CATSPERE: variants seen among roughly 807,000 people sequenced by gnomAD.
CATSPERE encodes cation channel sperm-associated auxiliary subunit epsilon.
CATSPERE carries 93 observed loss-of-function variants against 114.1 expected under a neutral mutation model. The ratio of observed to expected loss-of-function variants is 0.81; its 90% confidence interval spans 0.69 to 0.97. CATSPERE has a LOEUF of 0.97. Ranked by LOEUF, CATSPERE falls within the 50% of genes least tolerant of loss-of-function variation. The pLI, the probability that CATSPERE is intolerant of heterozygous loss-of-function variation, is 0.00. For missense variants in CATSPERE, 1,058 were observed against 1,131.6 expected (o/e 0.93, Z 0.93); for synonymous variants, 341 against 384.1 (o/e 0.89, Z 1.31).
At position 244,601,827 on chromosome 1, in the gene CATSPERE, G is replaced by A. The variant is rs968586306; in HGVS notation, c.2304-3868G>A. Reference sequence around the variant, plus strand: ...AATTAGCCGGGCGTGGGTGGTGGGCGCCTGTAATCCCAGCTACTTGGGAGC... The same window carrying A: ...AATTAGCCGGGCGTGGGTGGTGGGCACCTGTAATCCCAGCTACTTGGGAGC... On this transcript the variant is annotated intron_variant, in intron 17 of 21. Transcript: ENST00000366534. Among the ~76,000 whole-genome samples, 3 of 152,064 alleles carry A rather than the reference G, an allele frequency of 2.0e-5. 1 individual carries two copies. The highest frequency in any genetic ancestry group is 1.3e-4 in the Admixed American group (2 of 15,252).
At chr1:244,543,766 A>G (rs1223303253) in intron 8 of CATSPERE, among the ~76,000 whole-genome samples, 1 of 151,744 alleles carries the variant, frequency 6.6e-6, no homozygotes, top group Admixed American at 6.6e-5. Flanking sequence ...TCCTCTTGAC[A>G]AGATAAGAGA....
Position 244,558,429 on chromosome 1 carries a change from T to G in CATSPERE, c.1030-2239T>G, listed in dbSNP as rs1322940401. 2.0e-5 allele frequency among the ~76,000 whole-genome samples: 3 copies of G among 152,196 alleles called. No individual in the cohort carries two copies. In the South Asian group the frequency reaches 6.2e-4, roughly 31 times the overall value. On this transcript the variant is annotated intron_variant, in intron 9 of 21. Coordinates refer to ENST00000366534, the MANE Select transcript of CATSPERE (RefSeq NM_001130957.2). ...TGTTTTATTTCTAGCATTTCCATTT[T>G]GTTCCTTTTTTATCATTTCTATATC...
Position 244,479,747 on chromosome 1 carries a change from A to C in CATSPERE, c.289A>C (p.Ser97Arg), listed in dbSNP as rs544044563. ...AGAAGAACGCTATTTATTTGTGGAA[A>C]GTTCTCATACTTGCTTTCTGTGGTA... is the stretch of plus-strand genomic sequence containing the variant. ...DEEERYLFVESSHTCFLWYYR... is the reference protein window; with the variant it reads ...DEEERYLFVERSHTCFLWYYR... The change falls in exon 5 of 22, where the codon AGT becomes CGT. Residue 97 changes from serine (S) to arginine (R), a missense_variant. Physicochemically the swap from Ser to Arg is moderately radical, Grantham distance 110. Transcript: ENST00000366534. 6.2e-7 allele frequency: 1 copy of C among 1,600,308 alleles called. No homozygotes were observed. The highest frequency in any genetic ancestry group is 1.3e-5 in the African/African-American group (1 of 74,550).
At chr1:244,452,646 G>A (rs1325373843), upstream of CATSPERE, among the ~76,000 whole-genome samples, 1 of 152,166 alleles carries the variant, frequency 6.6e-6, no homozygotes, top group South Asian at 2.1e-4. Flanking sequence ...TGCAGATACC[G>A]TCATGCACTT....
intron 7 of CATSPERE, among the ~76,000 whole-genome samples, chr1:244,502,465 A>G (rs3006032): frequency 0.019 from 2,893 of 152,226 alleles, 120 homozygotes; most frequent in African/African-American, 0.067. Context: ...GAGACACAAT[A>G]TATTCTTAGA....
chr1:244,531,220 A>G (rs1039871641), intron 8 of CATSPERE, among the ~76,000 whole-genome samples: 24 of 138,638 alleles, frequency 1.7e-4, no homozygotes, highest in African/African-American at 6.5e-4. Flanking sequence ...TGGGCAACAG[A>G]GGGAGACTCA....
chr1:244,464,854 C>T (rs1041035460), intron 2 of CATSPERE, among the ~76,000 whole-genome samples: 11 of 151,658 alleles, frequency 7.3e-5, no homozygotes, highest in Admixed American at 3.9e-4. Flanking sequence ...TTTTCTTACT[C>T]GTTAACACAG....
intron 5 of CATSPERE, among the ~76,000 whole-genome samples, chr1:244,483,940 T>C (rs972564529): frequency 6.6e-6 from 1 of 152,178 alleles, no homozygotes; most frequent in Non-Finnish European, 1.5e-5. Context: ...TATGTTTTTT[T>C]CTTCTAAAAT....
chr1:244,492,337 CA>C (rs1289604314), intron 6 of CATSPERE, among the ~76,000 whole-genome samples: 2 of 151,948 alleles, frequency 1.3e-5, no homozygotes, highest in African/African-American at 4.8e-5. Flanking sequence ...GAAGCAAAGA[CA>C]AAAACCACAT....
chr1:244,543,085 C>T (rs1426651188), intron 8 of CATSPERE, among the ~76,000 whole-genome samples: 1 of 152,052 alleles, frequency 6.6e-6, no homozygotes, highest in Non-Finnish European at 1.5e-5. Context: ...AATAGAATTA[C>T]CAGCAATCCA....
intron 5 of CATSPERE, among the ~76,000 whole-genome samples, chr1:244,488,352 A>G (rs1671412482): frequency 1.3e-5 from 2 of 152,082 alleles, no homozygotes; most frequent in Admixed American, 1.3e-4. Context: ...ACTATGTTCT[A>G]TTTCCATAAT....
chr1:244,488,256 A>T (rs1417535387), intron 5 of CATSPERE, among the ~76,000 whole-genome samples: 1 of 152,184 alleles, frequency 6.6e-6, no homozygotes, highest in African/African-American at 2.4e-5. Context: ...TGATCCTCTT[A>T]CTGTAATACT....
At chr1:244,494,699 T>C (rs115114601) in intron 6 of CATSPERE, among the ~76,000 whole-genome samples, 2,236 of 152,090 alleles carry the variant, frequency 0.015, 58 homozygotes, top group African/African-American at 0.047. Context: ...ATATTCAAAA[T>C]GTTGAAAATT....
At chr1:244,621,228 A>G (rs56135622) in intron 20 of CATSPERE, among the ~76,000 whole-genome samples, 1,883 of 16,166 alleles carry the variant, frequency 0.12, 351 homozygotes, top group African/African-American at 0.29. Flanking sequence ...TATTTATATA[A>G]ATATATTTAT....
At chr1:244,614,695 T>C (rs1233506219) in intron 19 of CATSPERE, among the ~76,000 whole-genome samples, 1 of 152,194 alleles carries the variant, frequency 6.6e-6, no homozygotes, top group Non-Finnish European at 1.5e-5. Context: ...CAGTATCAAG[T>C]GGGCCTTCTG....
At chr1:244,611,142 T>C (rs73119890) in intron 19 of CATSPERE, among the ~76,000 whole-genome samples, 26,141 of 152,178 alleles carry the variant, frequency 0.17, 2,363 homozygotes, top group African/African-American at 0.2. Context: ...TTATTTATTT[T>C]CTAGCTCCCT....
chr1:244,526,425 G>A (rs979036407), intron 8 of CATSPERE, among the ~76,000 whole-genome samples: 4 of 150,848 alleles, frequency 2.7e-5, no homozygotes, highest in Non-Finnish European at 4.4e-5. Context: ...AAAAAAAAAA[G>A]GAAAAGAAAA....
chr1:244,582,350 T>G (rs1267900461), intron 12 of CATSPERE, among the ~76,000 whole-genome samples: 1 of 152,088 alleles, frequency 6.6e-6, no homozygotes, highest in Admixed American at 6.5e-5. Flanking sequence ...TGGAAGTATT[T>G]TCTTGGAAAA....
At chr1:244,528,110 C>T (rs1260292874) in intron 8 of CATSPERE, among the ~76,000 whole-genome samples, 1 of 152,206 alleles carries the variant, frequency 6.6e-6, no homozygotes, top group Non-Finnish European at 1.5e-5. Flanking sequence ...TCCCTTTCCC[C>T]ATTCCCCCCA....
Sources: allele counts gnomAD v4.1 joint callset (sites outside exome capture counted in the v4.1 genomes callset), GRCh38; gene constraint gnomAD v4.1.1; transcripts MANE v1.5; gene names NCBI Gene and HGNC (gene_info 2026-07-23, HGNC 2026-07-21).